The following TXNL4A variants were observed in gnomAD, a reference collection of about 807,000 sequenced individuals.
The protein encoded by TXNL4A is thioredoxin like 4A, also known as thioredoxin-like protein 4A.
In TXNL4A, 17 loss-of-function variants were observed where a neutral mutation model predicts 14.6. The ratio of observed to expected loss-of-function variants is 1.16; its 90% CI spans 0.80 to 1.74. TXNL4A has a LOEUF of 1.74. Ranked by LOEUF, TXNL4A falls within the 40% of genes most tolerant of loss-of-function variation. The pLI, the probability that TXNL4A is intolerant of heterozygous loss-of-function variation, is 0.00. For missense variants in TXNL4A, 74 were observed against 195.2 expected, an observed-to-expected ratio of 0.38 and a Z score of 3.70; for synonymous variants, 83 against 70.6, an observed-to-expected ratio of 1.18 and a Z score of -0.88.
At chr18:79,989,588 TGA>T, upstream of TXNL4A, among the ~76,000 whole-genome samples, 1 of 152,266 alleles carries the variant, frequency 6.6e-6, no homozygotes, top group East Asian at 1.9e-4. Flanking sequence ...TCTGTTCTTC[TGA>T]GAGAGCACTT....
At chr18:80,015,361 T>TATTATTATTATC (rs1472210813) in intron 1 of TXNL4A, among the ~76,000 whole-genome samples, 1 of 150,664 alleles carries the variant, frequency 6.6e-6, no homozygotes, top group Non-Finnish European at 1.5e-5. Flanking sequence ...AAAAAATTAT[T>TATTATTATTATC]ATTATTATTA....
At chr18:80,021,731 G>A (rs1341136494) in intron 1 of TXNL4A, among the ~76,000 whole-genome samples, 1 of 152,148 alleles carries the variant, frequency 6.6e-6, no homozygotes, top group Non-Finnish European at 1.5e-5. Context: ...TGCTTGAGAA[G>A]GTTTTGTGCT....
At chr18:79,992,982 T>TCCCACCCTTTCC (rs2051637937), upstream of TXNL4A, among the ~76,000 whole-genome samples, 1 of 150,466 alleles carries the variant, frequency 6.6e-6, no homozygotes. Flanking sequence ...CTTCTCAATA[T>TCCCACCCTTTCC]CCCACCCTTT....
intron 1 of TXNL4A, among the ~76,000 whole-genome samples, chr18:80,010,040 T>C (rs934938788): frequency 6.6e-6 from 1 of 152,208 alleles, no homozygotes; most frequent in African/African-American, 2.4e-5. Context: ...GTTTGGGAGA[T>C]GGCCTTTCCC....
chr18:80,004,223 A>G (rs902279802), intron 1 of TXNL4A, among the ~76,000 whole-genome samples: 7 of 151,568 alleles, frequency 4.6e-5, no homozygotes, highest in South Asian at 2.1e-4. Context: ...CCTGAGGTTT[A>G]TGTTTCCTCC....
At chr18:80,013,122 A>AATTT (rs1491451573) in intron 1 of TXNL4A, among the ~76,000 whole-genome samples, 16 of 96,130 alleles carry the variant, frequency 1.7e-4, no homozygotes, top group African/African-American at 5.8e-4. Context: ...AAAAAAAAAA[A>AATTT]TTTTTTTTTT....
rs1426892235 is a variant in TXNL4A, at chr18:80,033,911, G to A, written c.-121C>T. ...CTTCGCTCTGGTAGTCGCCCACCTC[G>A]CGCTGCCCTTCTCGCTTCAGTCTTC... On this transcript the variant is annotated 5_prime_UTR_variant, in exon 1 of 3. Transcript: ENST00000585474. 3 of 141,706 alleles carry A rather than the reference G, an allele frequency of 2.1e-5. No individual in the cohort carries two copies. In the Admixed American group the frequency reaches 2.2e-4, roughly 10 times the overall value. The allele number at this position is 141,706 out of a possible 1,614,324, so 8.8% of individuals were successfully genotyped here. A position where few individuals can be genotyped will look rare whatever the true frequency, so the allele number is the denominator to read the frequency against.
chr18:80,031,748 C>G (rs544156236), intron 1 of TXNL4A, among the ~76,000 whole-genome samples: 1 of 152,244 alleles, frequency 6.6e-6, no homozygotes, highest in East Asian at 1.9e-4. Flanking sequence ...GGCACTTGCA[C>G]CAGAACAACT....
chr18:80,009,173 G>A (rs1297949208), intron 1 of TXNL4A, among the ~76,000 whole-genome samples: 1 of 152,184 alleles, frequency 6.6e-6, no homozygotes, highest in African/African-American at 2.4e-5. Flanking sequence ...CAATTTCAAC[G>A]AAAGTAATAC....
At chr18:80,021,071 G>A (rs913120765) in intron 1 of TXNL4A, among the ~76,000 whole-genome samples, 2 of 152,192 alleles carry the variant, frequency 1.3e-5, no homozygotes, top group Non-Finnish European at 2.9e-5. Flanking sequence ...ACCTGAGGAT[G>A]AGAAAACTCA....
rs1259783699 is a variant in TXNL4A at position 79,971,714 on chromosome 18, C to CAA, written c.*1970_*1971insTT. The CAA allele has an allele frequency of 6.6e-6, 1 of 152,214 alleles. No individual in the cohort carries two copies. Among genetic ancestry groups the CAA allele is most frequent in the African/African-American group, 2.4e-5 (1 of 41,450 alleles). 9.4% of individuals were successfully genotyped at this position (152,214 alleles called of 1,614,324 possible). ...GTGAGGGCTCCAATTTCTCCACATC[C>CAA]TTGCAAACGCTTGTTGCGATCTTTT... On this transcript the variant is annotated 3_prime_UTR_variant, in exon 3 of 3. Coordinates refer to ENST00000269601, the MANE Select transcript of TXNL4A (RefSeq NM_006701.5).
chr18:80,006,054 G>C (rs1475281482), intron 1 of TXNL4A, among the ~76,000 whole-genome samples: 1 of 152,082 alleles, frequency 6.6e-6, no homozygotes, highest in Admixed American at 6.5e-5. Context: ...GACCTTGGGG[G>C]TTTGAGGCCA....
At chr18:79,975,310 G>A (rs542582146) in intron 2 of TXNL4A, among the ~76,000 whole-genome samples, 145 of 152,218 alleles carry the variant, frequency 9.5e-4, no homozygotes, top group Non-Finnish European at 1.8e-3. Context: ...GGGGGCTCAA[G>A]ATATATGTTT....
rs1006004101 is a variant in TXNL4A at position 79,994,300 on chromosome 18, G to A, written c.-60-16599C>T. 9.9e-5 allele frequency among the ~76,000 whole-genome samples: 15 copies of A among 152,172 alleles called. 1 individual carries two copies. In the South Asian group the frequency reaches 2.7e-3, roughly 27 times the overall value. ...ACGCGGGCACAAAAACTAAGAAACCGGAATGGGAGAGCTACTTTCTTGGTA... is the reference window on the plus strand; with the variant it reads ...ACGCGGGCACAAAAACTAAGAAACCAGAATGGGAGAGCTACTTTCTTGGTA... On this transcript the variant is annotated intron_variant, in intron 1 of 2. Coordinates refer to the TXNL4A transcript ENST00000585474.
intron 1 of TXNL4A, among the ~76,000 whole-genome samples, chr18:79,983,904 A>G (rs970329429): frequency 1.3e-5 from 2 of 152,160 alleles, no homozygotes; most frequent in African/African-American, 4.8e-5. Flanking sequence ...GCAGTTATGA[A>G]GTGCCAAGAG....
intron 1 of TXNL4A, among the ~76,000 whole-genome samples, chr18:80,002,321 G>A (rs1291505928): frequency 6.6e-6 from 1 of 152,188 alleles, no homozygotes; most frequent in Non-Finnish European, 1.5e-5. Context: ...CTAGGTGCAT[G>A]CTGATGAGAA....
chr18:80,004,287 C>G (rs1019613978), intron 1 of TXNL4A, among the ~76,000 whole-genome samples: 2 of 152,132 alleles, frequency 1.3e-5, no homozygotes, highest in Non-Finnish European at 2.9e-5. Context: ...CAGCCTGAGG[C>G]CTGACACCAC....
intron 1 of TXNL4A, among the ~76,000 whole-genome samples, chr18:80,022,541 T>C (rs188357114): frequency 2.0e-5 from 3 of 152,310 alleles, no homozygotes; most frequent in Admixed American, 6.5e-5. Context: ...GTTCCCAAGA[T>C]GGTAATAAGG....
intron 1 of TXNL4A, among the ~76,000 whole-genome samples, chr18:79,987,401 G>A (rs1057448715): frequency 1.3e-5 from 2 of 152,176 alleles, no homozygotes; most frequent in Non-Finnish European, 2.9e-5. Flanking sequence ...ATCTGTGAAA[G>A]AAAAGATAGC....
Sources: allele counts gnomAD v4.1 joint callset (sites outside exome capture counted in the v4.1 genomes callset), GRCh38; gene constraint gnomAD v4.1.1; transcripts MANE v1.5; gene names NCBI Gene and HGNC (gene_info 2026-07-23, HGNC 2026-07-21).